Variants in LINGO2 observed in about 807,000 individuals in gnomAD.
LINGO2 encodes leucine rich repeat and Ig domain containing 2.
LINGO2 carries 14 observed loss-of-function variants against 30.6 expected under a neutral mutation model. The observed-to-expected ratio is 0.46, with a 90% confidence interval of 0.30 to 0.72. The LOEUF is 0.72. Ranked by LOEUF, LINGO2 falls within the 30% of genes least tolerant of loss-of-function variation. The probability of loss-of-function intolerance (pLI) is 0.07; values close to 1 mark genes in which losing one functional copy is unlikely to be tolerated. For synonymous variants in LINGO2, 317 were observed against 288.5 expected, an observed-to-expected ratio of 1.10 and a Z score of -1.00; for missense variants, 729 against 751.7, an observed-to-expected ratio of 0.97 and a Z score of 0.35.
At chr9:28,545,263 C>G (rs1006508764) in intron 1 of LINGO2, among the ~76,000 whole-genome samples, 1 of 151,960 alleles carries the variant, frequency 6.6e-6, no homozygotes, top group Non-Finnish European at 1.5e-5. Flanking sequence ...AAGAAGAGTT[C>G]CATGATAAAC....
At chr9:28,110,581 T>C (rs1001051394) in intron 4 of LINGO2, among the ~76,000 whole-genome samples, 9 of 152,052 alleles carry the variant, frequency 5.9e-5, no homozygotes, top group African/African-American at 1.9e-4. Context: ...GGGCTAAGTA[T>C]ATGCATGGAC....
intron 2 of LINGO2, among the ~76,000 whole-genome samples, chr9:28,391,607 G>A (rs1405551922): frequency 8.7e-5 from 2 of 22,862 alleles, no homozygotes; most frequent in East Asian, 0.012. Context: ...ATGTTTGCGT[G>A]TGTGTGTGTG....
intron 4 of LINGO2, among the ~76,000 whole-genome samples, chr9:28,038,370 G>A (rs1182772014): frequency 6.6e-6 from 1 of 152,170 alleles, no homozygotes; most frequent in Admixed American, 6.5e-5. Flanking sequence ...ATAGAGACGT[G>A]CACCTGCTCA....
chr9:28,985,525 T>C, the LINGO2 span, among the ~76,000 whole-genome samples: 1 of 152,134 alleles, frequency 6.6e-6, no homozygotes, highest in Non-Finnish European at 1.5e-5. Flanking sequence ...TCCCAGCATG[T>C]GTTATCCTTC....
At chr9:28,535,651 C>T (rs1821404815) in intron 1 of LINGO2, among the ~76,000 whole-genome samples, 1 of 151,912 alleles carries the variant, frequency 6.6e-6, no homozygotes, top group Non-Finnish European at 1.5e-5. Context: ...CTGAATAATA[C>T]CACATCCATG....
chr9:28,092,381 T>A (rs1266838789), intron 4 of LINGO2, among the ~76,000 whole-genome samples: 1 of 151,870 alleles, frequency 6.6e-6, no homozygotes, highest in Non-Finnish European at 1.5e-5. Flanking sequence ...AAATGATGAG[T>A]TCATGTCCTT....
At chr9:28,006,912 C>G (rs892985422) in intron 5 of LINGO2, among the ~76,000 whole-genome samples, 4 of 115,002 alleles carry the variant, frequency 3.5e-5, no homozygotes, top group Non-Finnish European at 8.1e-5. Context: ...ATATACTGAG[C>G]TAGTCTAATT....
At chr9:28,571,975 A>G (rs1371955766) in intron 1 of LINGO2, among the ~76,000 whole-genome samples, 2 of 152,048 alleles carry the variant, frequency 1.3e-5, no homozygotes, top group African/African-American at 2.4e-5. Context: ...ATGAGGCTTC[A>G]GCATGCAGGA....
chr9:28,385,754 C>T (rs541769802), intron 2 of LINGO2, among the ~76,000 whole-genome samples: 2 of 152,174 alleles, frequency 1.3e-5, no homozygotes, highest in Non-Finnish European at 1.5e-5. Flanking sequence ...CATTAGCATA[C>T]CTTTCCAGAT....
the LINGO2 span, among the ~76,000 whole-genome samples, chr9:29,004,870 T>A: frequency 1.3e-5 from 2 of 152,012 alleles, no homozygotes; most frequent in African/African-American, 4.8e-5. Context: ...CTGTACCTCC[T>A]TGGACAATTT....
chr9:28,931,473 T>C, the LINGO2 span, among the ~76,000 whole-genome samples: 1 of 152,190 alleles, frequency 6.6e-6, no homozygotes, highest in Non-Finnish European at 1.5e-5. Context: ...CAGTTTTGCA[T>C]TGCAGGAAGA....
At chr9:28,530,687 T>G (rs1821199633) in intron 1 of LINGO2, among the ~76,000 whole-genome samples, 1 of 152,104 alleles carries the variant, frequency 6.6e-6, no homozygotes. Context: ...TAAAAATCAA[T>G]AACATATTAC....
chr9:28,258,068 T>G (rs1285866877), intron 4 of LINGO2, among the ~76,000 whole-genome samples: 2 of 151,952 alleles, frequency 1.3e-5, no homozygotes, highest in African/African-American at 4.8e-5. Flanking sequence ...AAGACCAACC[T>G]GAGCAGGCAG....
rs539519780 is a variant in LINGO2, at chr9:28,450,506, A to T, written c.-279+25434T>A. On this transcript the variant is annotated intron_variant, in intron 2 of 5. Coordinates refer to ENST00000379992, the Ensembl canonical transcript of LINGO2. Reference sequence around the variant, plus strand: ...ATCTAGAGTAGTAGCATTAATTATGAAGATTTGATTAGATTAGGATCCTTT... The same window carrying T: ...ATCTAGAGTAGTAGCATTAATTATGTAGATTTGATTAGATTAGGATCCTTT... Among the ~76,000 whole-genome samples, 3 of 152,172 alleles carry T rather than the reference A, an allele frequency of 2.0e-5. No homozygotes were observed. In the East Asian group the frequency reaches 5.8e-4, roughly 29 times the overall value.
chr9:29,115,018 T>C, the LINGO2 span, among the ~76,000 whole-genome samples: 1 of 152,150 alleles, frequency 6.6e-6, no homozygotes, highest in Non-Finnish European at 1.5e-5. Context: ...GAAGTTCTCA[T>C]GTGTACCACC....
chr9:29,015,989 C>G, the LINGO2 span, among the ~76,000 whole-genome samples: 2 of 152,130 alleles, frequency 1.3e-5, no homozygotes, highest in African/African-American at 4.8e-5. Flanking sequence ...TTTCTAACTT[C>G]CAGCTCTCTA....
At chr9:28,769,514 ATATATTTTTTTTTTTTTTTTTTT>A in the LINGO2 span, among the ~76,000 whole-genome samples, 5 of 2,014 alleles carry the variant, frequency 2.5e-3, no homozygotes, top group African/African-American at 5.8e-3. Flanking sequence ...ATATATATAT[ATATATTTTTTTTTTTTTTTTTTT>A]TTTTTTTTAC....
At chr9:28,651,194 A>G (rs900406849) in intron 1 of LINGO2, among the ~76,000 whole-genome samples, 3 of 152,158 alleles carry the variant, frequency 2.0e-5, no homozygotes, top group African/African-American at 7.2e-5. Flanking sequence ...AAAAAAAAAA[A>G]AGAAAATTAT....
At chr9:28,175,442 T>C (rs181786881) in intron 4 of LINGO2, among the ~76,000 whole-genome samples, 4 of 152,056 alleles carry the variant, frequency 2.6e-5, no homozygotes, top group East Asian at 1.9e-4. Context: ...CATGAAACCA[T>C]AGGGGAGGGA....
Sources: allele counts gnomAD v4.1 joint callset (sites outside exome capture counted in the v4.1 genomes callset), GRCh38; gene constraint gnomAD v4.1.1; transcripts MANE v1.5; gene names NCBI Gene and HGNC (gene_info 2026-07-23, HGNC 2026-07-21).